The following KMT2A variants were observed in gnomAD, a reference collection of about 807,000 sequenced individuals.
KMT2A encodes the protein lysine methyltransferase 2A.
Under a neutral mutation model 345.3 loss-of-function variants are expected in KMT2A, and 16 were observed. The observed-to-expected ratio is 0.05, with a 90% CI of 0.03 to 0.07. The LOEUF is 0.07. Ranked by LOEUF, KMT2A falls within the 10% of genes least tolerant of loss-of-function variation. KMT2A has a pLI of 1.00. For synonymous variants in KMT2A, 1,599 were observed against 1,778.6 expected (o/e 0.90, Z 2.54); for missense variants, 3,272 against 4,841.6 (o/e 0.68, Z 9.62).
intron 2 of KMT2A, among the ~76,000 whole-genome samples, chr11:118,471,009 T>C (rs1949933459): frequency 6.6e-6 from 1 of 152,180 alleles, no homozygotes; most frequent in African/African-American, 2.4e-5. Flanking sequence ...AGCAGGGGAG[T>C]AGATTTAGTG....
At position 118,481,646 on chromosome 11, in the gene KMT2A, T is replaced by G. The variant is rs577756852; in HGVS notation, c.3635-69T>G. The G allele has an allele frequency of 5.4e-6, 8 of 1,490,950 alleles. No homozygotes were observed. In the Admixed American group the frequency reaches 6.6e-5, roughly 12 times the overall value. 92.4% of individuals were successfully genotyped at this position (1,490,950 alleles called of 1,614,324 possible). A position where few individuals can be genotyped will look rare whatever the true frequency, so the allele number is the denominator to read the frequency against. ...TGGGATTGCTGGATCATATGGTGGC[T>G]CTGTAATTCTATTTTAAATAAAATT... is the stretch of plus-strand genomic sequence containing the variant. On this transcript the variant is annotated intron_variant, in intron 6 of 35. Coordinates refer to ENST00000534358, the MANE Select transcript of KMT2A (RefSeq NM_001197104.2).
At chr11:118,438,581 T>A (rs1949249120) in intron 1 of KMT2A, among the ~76,000 whole-genome samples, 1 of 152,126 alleles carries the variant, frequency 6.6e-6, no homozygotes, top group East Asian at 1.9e-4. Flanking sequence ...GTTTCCTGCG[T>A]GCTCTGCCGT....
rs1271478620 is a variant in KMT2A, at chr11:118,526,538, CTG to C, written c.*4368_*4369del. 1 of 228,804 alleles carries C rather than the reference CTG, an allele frequency of 4.4e-6. No homozygotes were observed. Among genetic ancestry groups the C allele is most frequent in the East Asian group, 6.3e-5 (1 of 15,960 alleles). The allele number at this position is 228,804 out of a possible 1,614,324, so 14.2% of individuals were successfully genotyped here. On this transcript the variant is annotated 3_prime_UTR_variant, in exon 36 of 36. Coordinates refer to ENST00000534358, the MANE Select transcript of KMT2A (RefSeq NM_001197104.2). ...GACAACTTTATCATGTATAACAGAT[CTG>C]TTTTTTTTCCTTGTGTTCTTCCAAG...
rs1949665451 is a variant in KMT2A, at chr11:118,457,412, GC to G, written c.433-11360del. On this transcript the variant is annotated intron_variant, in intron 1 of 35. Coordinates refer to ENST00000534358, the MANE Select transcript of KMT2A (RefSeq NM_001197104.2). ...CTCCTGAGTAGCTGGGACTACAGGT[GC>G]CCACCACCACGCCTGGCTAATTTTT... 2.0e-5 allele frequency among the ~76,000 whole-genome samples: 3 copies of G among 151,266 alleles called. No homozygotes were observed. In the South Asian group the frequency reaches 6.3e-4, roughly 32 times the overall value.
Position 118,477,707 on chromosome 11 carries a change from A to G in KMT2A, c.3335-260A>G, listed in dbSNP as rs368581848. ...ATTTTTAGTAGAGAGGGGTTTTGCT[A>G]TGTTGGCCAGGCTGGTCTCAAACCC... is the stretch of plus-strand genomic sequence containing the variant. On this transcript the variant is annotated intron_variant, in intron 4 of 35. Coordinates refer to ENST00000534358, the MANE Select transcript of KMT2A (RefSeq NM_001197104.2). 5.2e-4 allele frequency among the ~76,000 whole-genome samples: 79 copies of G among 151,134 alleles called. 1 individual carries two copies. In the East Asian group the frequency reaches 0.014, roughly 26 times the overall value.
At chr11:118,459,084 C>G (rs1005964529) in intron 1 of KMT2A, among the ~76,000 whole-genome samples, 2 of 151,924 alleles carry the variant, frequency 1.3e-5, no homozygotes, top group East Asian at 1.9e-4. Context: ...TTTTTTCCCC[C>G]CTTTGAGACA....
At chr11:118,486,867 A>G (rs1441715845) in intron 10 of KMT2A, among the ~76,000 whole-genome samples, 1 of 152,152 alleles carries the variant, frequency 6.6e-6, no homozygotes, top group Non-Finnish European at 1.5e-5. Flanking sequence ...CAGCCTGGGC[A>G]ACTAAGCAAG....
Position 118,525,304 on chromosome 11 carries a change from C to T in KMT2A, c.*3132C>T. 4.4e-6 allele frequency: 1 copy of T among 228,378 alleles called. No homozygotes were observed. The highest frequency in any genetic ancestry group is 8.7e-6 in the Non-Finnish European group (1 of 115,012). 14.1% of individuals were successfully genotyped at this position (228,378 alleles called of 1,614,324 possible). A position where few individuals can be genotyped will look rare whatever the true frequency, so the allele number is the denominator to read the frequency against. On this transcript the variant is annotated 3_prime_UTR_variant, in exon 36 of 36. Transcript: ENST00000534358. Reference sequence around the variant, plus strand: ...AGCCAGCTCACTTATAGCTTTGCTGCTAGAACCTGTTGTGGCTGCATTTCC... The same window carrying T: ...AGCCAGCTCACTTATAGCTTTGCTGTTAGAACCTGTTGTGGCTGCATTTCC...
chr11:118,505,712 T>A lies in KMT2A; in HGVS notation c.9820T>A (p.Leu3274Met). The A allele has an allele frequency of 6.2e-7, 1 of 1,614,170 alleles. No individual in the cohort carries two copies. The highest frequency in any genetic ancestry group is 8.5e-7 in the Non-Finnish European group (1 of 1,180,012). ...TCCTAATCATCCAAGTCTGTTAGAT[T>A]TGGGGTCACTTAATACTTCATCTCA... ...QLPNHPSLLD[L>M]GSLNTSSHRT... Residue 3274 changes from leucine (L) to methionine (M), a missense_variant, in exon 27 of 36, where the codon TTG becomes ATG. By Grantham distance (15) the Leu-to-Met change is conservative. Around this residue, in one of 27 missense-constraint regions of KMT2A, gnomAD observed 748 missense variants for 922.2 expected, o/e 0.81. Transcript: ENST00000534358. The surrounding 1 kb of genome is among the most constrained non-coding windows in gnomAD (Gnocchi z 4.6).
chr11:118,453,764 T>C (rs1175561961), intron 1 of KMT2A, among the ~76,000 whole-genome samples: 1 of 152,220 alleles, frequency 6.6e-6, no homozygotes, highest in Non-Finnish European at 1.5e-5. Flanking sequence ...TTCATGACCA[T>C]TGTCTGAAGT....
chr11:118,520,140 T>C lies in KMT2A; in HGVS notation c.11429+76T>C. 1 of 940,362 alleles carries C rather than the reference T, an allele frequency of 1.1e-6. No individual in the cohort carries two copies. Among genetic ancestry groups the C allele is most frequent in the Admixed American group, 2.5e-5 (1 of 40,110 alleles). 58.3% of individuals were successfully genotyped at this position (940,362 alleles called of 1,614,324 possible). Reference sequence around the variant, plus strand: ...AGCTGGTCAGGGCACTACGTAGGAATTTGTTTGCATCAGAATTTCCTGGAT... The same window carrying C: ...AGCTGGTCAGGGCACTACGTAGGAACTTGTTTGCATCAGAATTTCCTGGAT... On this transcript the variant is annotated intron_variant, in intron 33 of 35. Transcript: ENST00000534358. This position sits in a 1 kb window ranked among gnomAD's most constrained non-coding sequence, Gnocchi z 4.3.
In KMT2A at chr11:118,471,770, C is replaced by T. The variant is rs1555035551; in HGVS notation, c.611C>T (p.Thr204Ile). ...TTTTCCCCTCTAAATAAATCAGAGA[C>T]CAAATCTGGAGATAAGATCAAGAAG... ...SVFSPLNKSE[T>I]KSGDKIKKKD... The change falls in exon 3 of 36, where the codon ACC becomes ATC. Residue 204 changes from threonine to isoleucine, a missense_variant. Thr to Ile is a moderately conservative substitution (Grantham distance 89, BLOSUM62 -1). This residue lies in a region of KMT2A where 412 missense variants were observed against 511.0 expected (regional missense o/e 0.81). Coordinates refer to ENST00000534358, the MANE Select transcript of KMT2A (RefSeq NM_001197104.2). 3 of 1,613,294 alleles carry T rather than the reference C, an allele frequency of 1.9e-6. No individual in the cohort carries two copies. Among genetic ancestry groups the T allele is most frequent in the Non-Finnish European group, 2.5e-6 (3 of 1,179,684 alleles).
At position 118,498,040 on chromosome 11, in the gene KMT2A, T is replaced by C. The variant is rs2134364410; in HGVS notation, c.5769T>C (p.Asn1923=). The C allele has an allele frequency of 1.9e-6, 3 of 1,614,146 alleles. No individual in the cohort carries two copies. Among genetic ancestry groups the C allele is most frequent in the Non-Finnish European group, 2.5e-6 (3 of 1,180,002 alleles). Residue 1923 remains asparagine, a synonymous_variant, in exon 21 of 36, where the codon AAT becomes AAC. Transcript: ENST00000534358. The surrounding 1 kb of genome is among the most constrained non-coding windows in gnomAD (Gnocchi z 4.4). ...AAGATGATGACGGATCACTAAAGAA[T>C]GTGCATATGGCTGTGATCAGGGGCA... The part of the protein sequence containing the change: ...VFEDDDGSLK[N]VHMAVIRGKQ...
intron 31 of KMT2A, 91 bp downstream of exon 31, chr11:118,512,116 C>A: frequency 8.2e-7 from 1 of 1,222,152 alleles, no homozygotes. Context: ...AAAAAAAAAT[C>A]AGTTAAAAAT....
intron 5 of KMT2A, 130 bp downstream of exon 5, chr11:118,478,331 T>G: frequency 5.8e-6 from 4 of 687,482 alleles, no homozygotes; most frequent in Non-Finnish European, 9.8e-6. Context: ...CTTGTTACAG[T>G]TAGATTTTGT....
At chr11:118,487,221 G>A (rs1950245800) in intron 10 of KMT2A, among the ~76,000 whole-genome samples, 1 of 152,072 alleles carries the variant, frequency 6.6e-6, no homozygotes, top group Non-Finnish European at 1.5e-5. Context: ...GCCACCCACA[G>A]GAATAACTTT....
intron 2 of KMT2A, among the ~76,000 whole-genome samples, chr11:118,471,012 A>T (rs1555035327): frequency 6.6e-6 from 1 of 152,200 alleles, no homozygotes; most frequent in East Asian, 1.9e-4. Flanking sequence ...AGGGGAGTAG[A>T]TTTAGTGGAC....
chr11:118,474,112 A>G lies in KMT2A; in HGVS notation c.2953A>G (p.Lys985Glu), dbSNP rs1367801092. 1 of 1,614,064 alleles carries G rather than the reference A, an allele frequency of 6.2e-7. No individual in the cohort carries two copies. The highest frequency in any genetic ancestry group is 8.5e-7 in the Non-Finnish European group (1 of 1,180,024). Residue 985 changes from lysine to glutamate, a missense_variant, in exon 3 of 36, where the codon AAG (lysine) becomes GAG (glutamate). Lys to Glu is a moderately conservative substitution (Grantham distance 56). Transcript: ENST00000534358. ...CGGCCCAACTGCCCCATCCCTGGAG[A>G]AGGAGAAAACCCTCTGCCTTTCCAC... The part of the protein sequence containing the change: ...DLGPTAPSLE[K>E]EKTLCLSTPS...
At chr11:118,460,878 GA>G (rs1555032461) in intron 1 of KMT2A, among the ~76,000 whole-genome samples, 1 of 152,212 alleles carries the variant, frequency 6.6e-6, no homozygotes, top group African/African-American at 2.4e-5. Flanking sequence ...AAGGAAGGCT[GA>G]AATTGCACAC....
Sources: gnomAD v4.1 joint callset for allele counts (sites outside exome capture counted in the v4.1 genomes callset) on GRCh38, gnomAD v4.1.1 for gene constraint, gnomAD v4.1.1 regional missense constraint, Gnocchi (gnomAD v3.1) non-coding constraint, MANE v1.5 for transcripts, NCBI Gene and HGNC (gene_info 2026-07-23, HGNC 2026-07-21) for gene names.